Variants in WSCD2 observed in about 807,000 individuals in gnomAD.
The protein encoded by WSCD2 is WSC domain sialate O sulfotransferase 2, also known as sialate:O-sulfotransferase 2.
In WSCD2, 28 loss-of-function variants were observed where a neutral mutation model predicts 55.7. The ratio of observed to expected loss-of-function variants is 0.50; its 90% CI spans 0.37 to 0.69. The LOEUF (loss-of-function observed/expected upper bound fraction) is 0.69. Ranked by LOEUF, WSCD2 falls within the 30% of genes least tolerant of loss-of-function variation. WSCD2 has a pLI of 0.00. For synonymous variants in WSCD2, 301 were observed against 301.9 expected (o/e 1.00, Z 0.03); for missense variants, 616 against 762.1 (o/e 0.81, Z 2.26).
chr12:108,169,688 G>A (rs1174443582), intron 1 of WSCD2, among the ~76,000 whole-genome samples: 1 of 152,114 alleles, frequency 6.6e-6, no homozygotes, highest in Non-Finnish European at 1.5e-5. Context: ...TGACTTTAAT[G>A]ATCTCATTAG....
At chr12:108,198,575 G>T (rs1884258662) in intron 2 of WSCD2, among the ~76,000 whole-genome samples, 1 of 152,146 alleles carries the variant, frequency 6.6e-6, no homozygotes. Context: ...TTGAAATACT[G>T]CCATCAATGC....
chr12:108,141,736 A>C (rs1221240537), intron 1 of WSCD2, among the ~76,000 whole-genome samples: 1 of 152,204 alleles, frequency 6.6e-6, no homozygotes, highest in African/African-American at 2.4e-5. Context: ...TCTCATAGTC[A>C]CAGGTTCCTG....
intron 1 of WSCD2, among the ~76,000 whole-genome samples, chr12:108,185,271 T>C (rs897370690): frequency 6.6e-6 from 1 of 152,178 alleles, no homozygotes; most frequent in African/African-American, 2.4e-5. Flanking sequence ...CCTCAATGTA[T>C]TATTTAGGAA....
chr12:108,223,972 C>G (rs1887803664), intron 4 of WSCD2, among the ~76,000 whole-genome samples: 1 of 152,192 alleles, frequency 6.6e-6, no homozygotes, highest in Non-Finnish European at 1.5e-5. Context: ...TCTGGTCCTG[C>G]CTCCCGCTTT....
At chr12:108,211,424 C>G (rs541237014) in intron 4 of WSCD2, among the ~76,000 whole-genome samples, 1 of 152,082 alleles carries the variant, frequency 6.6e-6, no homozygotes, top group South Asian at 2.1e-4. Context: ...TAAAGAGCTC[C>G]CAGGTGATGC....
rs570792620 is a variant in WSCD2, at chr12:108,248,187, G to A, written c.1542G>A (p.Lys514=). The A allele has an allele frequency of 1.3e-5, 21 of 1,614,202 alleles. No individual in the cohort carries two copies. The African/African-American group carries it at 1.5e-4, about 11-fold the overall frequency. ...GGCTGCTCTGTGTGGAGAGCCAGAAGGATGGCAACTTCAAGCGCTCAGGGC... is the reference window on the plus strand; with the variant it reads ...GGCTGCTCTGTGTGGAGAGCCAGAAAGATGGCAACTTCAAGCGCTCAGGGC... ...EDRLLCVESQ[K]DGNFKRSGLR... Residue 514 remains lysine, a synonymous_variant, in exon 9 of 9, where the codon AAG becomes AAA. Transcript: ENST00000547525. This position sits in a 1 kb window ranked among gnomAD's most constrained non-coding sequence, Gnocchi z 4.3.
At chr12:108,185,226 T>G (rs2137013317) in intron 1 of WSCD2, among the ~76,000 whole-genome samples, 1 of 152,312 alleles carries the variant, frequency 6.6e-6, no homozygotes, top group Non-Finnish European at 1.5e-5. Context: ...GCTCAGCCTC[T>G]GAGAAGTGGT....
At chr12:108,225,056 C>A (rs1256304634) in intron 5 of WSCD2, among the ~76,000 whole-genome samples, 196 bp downstream of exon 5, 1 of 111,790 alleles carries the variant, frequency 8.9e-6, no homozygotes, top group Non-Finnish European at 1.9e-5. Context: ...AATAGATTTT[C>A]CTGCCTTTAA....
intron 1 of WSCD2, among the ~76,000 whole-genome samples, chr12:108,172,601 G>T (rs1365311): frequency 6.6e-6 from 1 of 152,018 alleles, no homozygotes; most frequent in African/African-American, 2.4e-5. Flanking sequence ...AGAATGCCAC[G>T]TGAAGACAGA....
chr12:108,244,096 T>A (rs1889932515), intron 8 of WSCD2, among the ~76,000 whole-genome samples: 1 of 152,178 alleles, frequency 6.6e-6, no homozygotes, highest in Admixed American at 6.5e-5. Context: ...AGGCCCCAGT[T>A]CTTTCCATCA....
At chr12:108,204,496 C>G (rs76255969) in intron 2 of WSCD2, among the ~76,000 whole-genome samples, 1 of 152,170 alleles carries the variant, frequency 6.6e-6, no homozygotes, top group African/African-American at 2.4e-5. Flanking sequence ...CCCTTGCCCA[C>G]GTGGCCACAA....
At chr12:108,199,027 AT>A (rs1884322191) in intron 2 of WSCD2, among the ~76,000 whole-genome samples, 1 of 152,190 alleles carries the variant, frequency 6.6e-6, no homozygotes, top group Non-Finnish European at 1.5e-5. Context: ...GCAATCTTAT[AT>A]ATTTTATAAA....
intron 1 of WSCD2, among the ~76,000 whole-genome samples, chr12:108,180,141 T>C (rs1881524535): frequency 1.3e-5 from 2 of 151,814 alleles, no homozygotes; most frequent in South Asian, 4.2e-4. Context: ...TTGGGATTGA[T>C]TTTGCTTGAA....
intron 1 of WSCD2, among the ~76,000 whole-genome samples, chr12:108,174,874 C>T (rs997322705): frequency 9.9e-5 from 15 of 152,190 alleles, no homozygotes; most frequent in Admixed American, 2.0e-4. Flanking sequence ...CCTCCTGCTT[C>T]GGCCTCCCAA....
At chr12:108,204,702 A>C (rs541200813) in intron 2 of WSCD2, among the ~76,000 whole-genome samples, 146 of 152,372 alleles carry the variant, frequency 9.6e-4, no homozygotes, top group Non-Finnish European at 1.6e-3. Context: ...TTCTTAGTCC[A>C]GCAAATCACC....
intron 1 of WSCD2, among the ~76,000 whole-genome samples, chr12:108,177,447 T>C (rs888428899): frequency 1.3e-5 from 2 of 152,304 alleles, no homozygotes. Flanking sequence ...AAATCCTGGC[T>C]CTGCCTCCTA....
intron 1 of WSCD2, among the ~76,000 whole-genome samples, chr12:108,158,522 A>G (rs923453111): frequency 2.0e-5 from 3 of 152,206 alleles, no homozygotes; most frequent in Admixed American, 6.5e-5. Context: ...AGTGGCCAAA[A>G]CAGCCCTAGA....
intron 1 of WSCD2, among the ~76,000 whole-genome samples, chr12:108,138,734 C>G (rs1876478419): frequency 6.6e-6 from 1 of 152,226 alleles, no homozygotes; most frequent in African/African-American, 2.4e-5. Flanking sequence ...TAAGTTTTCT[C>G]TTTGAACTTC....
intron 1 of WSCD2, among the ~76,000 whole-genome samples, chr12:108,193,177 A>G (rs898620395): frequency 6.6e-6 from 1 of 152,254 alleles, no homozygotes; most frequent in Non-Finnish European, 1.5e-5. Flanking sequence ...GAGAGTATGT[A>G]TATGTGTAGA....
Sources: gnomAD v4.1 joint callset for allele counts (sites outside exome capture counted in the v4.1 genomes callset) on GRCh38, gnomAD v4.1.1 for gene constraint, Gnocchi (gnomAD v3.1) non-coding constraint, MANE v1.5 for transcripts, NCBI Gene and HGNC (gene_info 2026-07-23, HGNC 2026-07-21) for gene names.